The following DOK7 variants were observed in gnomAD, a reference collection of about 807,000 sequenced individuals.
DOK7 encodes the protein docking protein 7.
Under a neutral mutation model 30.7 loss-of-function variants are expected in DOK7, and 32 were observed. That is an observed-to-expected ratio of 1.04 (90% CI 0.79 to 1.40). The LOEUF is 1.40. Ranked by LOEUF, DOK7 falls within the 40% of genes most tolerant of loss-of-function variation. The pLI, the probability that DOK7 is intolerant of heterozygous loss-of-function variation, is 0.00. For missense variants in DOK7, 1,007 were observed against 699.2 expected (o/e 1.44, Z -4.97); for synonymous variants, 447 against 324.1 (o/e 1.38, Z -4.07).
At chr4:3,481,929 G>A (rs569113713) in intron 4 of DOK7, among the ~76,000 whole-genome samples, 2 of 152,210 alleles carry the variant, frequency 1.3e-5, no homozygotes, top group African/African-American at 2.4e-5. Context: ...CGTGGGTGAG[G>A]TTTGCCTGCC....
At chr4:3,470,666 C>T (rs1171065661) in intron 2 of DOK7, among the ~76,000 whole-genome samples, 1 of 152,232 alleles carries the variant, frequency 6.6e-6, no homozygotes, top group South Asian at 2.1e-4. Flanking sequence ...GGGCCAAATC[C>T]TGCCGGAACC....
chr4:3,479,582 C>T (rs1295406538), intron 4 of DOK7, among the ~76,000 whole-genome samples: 1 of 152,232 alleles, frequency 6.6e-6, no homozygotes, highest in Non-Finnish European at 1.5e-5. Flanking sequence ...CCCCGATCCC[C>T]AGAACCGCCT....
intron 2 of DOK7, among the ~76,000 whole-genome samples, chr4:3,464,489 G>A (rs747018318): frequency 2.0e-5 from 3 of 152,224 alleles, no homozygotes; most frequent in Non-Finnish European, 4.4e-5. Context: ...TGGGGGCACC[G>A]ACAGAGCCTG....
rs12512759 is a variant in DOK7, at chr4:3,490,026, A to C, written c.772+230A>C. On this transcript the variant is annotated intron_variant, in intron 6 of 6. Transcript: ENST00000340083. ...TCCTTCCTTCTCCTCCTGCTCATTCATTCCTTCCTTCTTCCTCCTACTCAT... is the reference window on the plus strand; with the variant it reads ...TCCTTCCTTCTCCTCCTGCTCATTCCTTCCTTCCTTCTTCCTCCTACTCAT... 6.7e-5 allele frequency among the ~76,000 whole-genome samples: 7 copies of C among 104,858 alleles called. No individual in the cohort carries two copies. The East Asian group carries it at 1.3e-3, about 20-fold the overall frequency. 68.8% of individuals were successfully genotyped at this position (104,858 alleles called of 152,430 possible).
chr4:3,495,771 C>T (rs1463282026), downstream of DOK7, among the ~76,000 whole-genome samples: 1 of 151,590 alleles, frequency 6.6e-6, no homozygotes, highest in Non-Finnish European at 1.5e-5. Flanking sequence ...GGCTCTGCAC[C>T]ATCCACACCT....
Position 3,500,766 on chromosome 4 carries a change from G to C in DOK7, c.1336G>C (p.Ala446Pro), listed in dbSNP as rs911727518. The change falls in exon 8 of 8, where the codon GCA (alanine) becomes CCA (proline). Residue 446 changes from alanine (A) to proline (P), a missense_variant. By Grantham distance (27) the Ala-to-Pro change is conservative (BLOSUM62 -1). Coordinates refer to the DOK7 transcript ENST00000643608. The stretch of plus-strand genomic sequence containing the variant: ...GGCGCACAGAGTGGGGGTGCGGCAC[G>C]CACGGGCCCGGGAGGAGCAGCTGTC... 4 of 1,534,712 alleles carry C rather than the reference G, an allele frequency of 2.6e-6. No homozygotes were observed. In the South Asian group the frequency reaches 3.6e-5, roughly 14 times the overall value.
chr4:3,470,249 G>A (rs34205261), intron 2 of DOK7, among the ~76,000 whole-genome samples: 19,217 of 152,246 alleles, frequency 0.13, 1,329 homozygotes, highest in Middle Eastern at 0.18. Flanking sequence ...CCCTTACAAG[G>A]ACACTTGCTG....
chr4:3,463,491 C>G lies in DOK7; in HGVS notation c.55-15C>G. 3 of 1,510,454 alleles carry G rather than the reference C, an allele frequency of 2.0e-6. No individual in the cohort carries two copies. Among genetic ancestry groups the G allele is most frequent in the Non-Finnish European group, 2.6e-6 (3 of 1,134,372 alleles). 93.6% of individuals were successfully genotyped at this position (1,510,454 alleles called of 1,614,324 possible). ...GGGCGCGGGCGGCGGCTCACGCTCC[C>G]CCCTGTCCCCGCAGTGGAAGAGTAG... On this transcript the variant is annotated splice_polypyrimidine_tract_variant and intron_variant, in intron 1 of 6. Coordinates refer to ENST00000340083, the MANE Select transcript of DOK7 (RefSeq NM_173660.5).
intron 5 of DOK7, among the ~76,000 whole-genome samples, chr4:3,488,105 G>C (rs1051528513): frequency 6.6e-6 from 1 of 152,388 alleles, no homozygotes; most frequent in East Asian, 1.9e-4. Context: ...CACAGGCAGG[G>C]AGGGGACAGG....
rs908941512 is a variant in DOK7 at position 3,494,116 on chromosome 4, T to C, written c.*615T>C. On this transcript the variant is annotated 3_prime_UTR_variant, in exon 7 of 7. Transcript: ENST00000340083. ...CCCCACTGTTCCCCAGTGAAGCCCT[T>C]GTGGGAAGGTTCCGGGAGCAGGTGG... 8 of 985,686 alleles carry C rather than the reference T, an allele frequency of 8.1e-6. No homozygotes were observed. The highest frequency in any genetic ancestry group is 9.6e-6 in the Non-Finnish European group (8 of 830,228). 61.1% of individuals were successfully genotyped at this position (985,686 alleles called of 1,614,324 possible).
At chr4:3,463,906 G>T (rs1726121960) in intron 2 of DOK7, among the ~76,000 whole-genome samples, 1 of 152,176 alleles carries the variant, frequency 6.6e-6, no homozygotes, top group African/African-American at 2.4e-5. Flanking sequence ...TCAGAGCAGG[G>T]CCCCCGAACC....
rs150118124 is a variant in DOK7, at chr4:3,476,675, A to T, written c.532+133A>T. ...ATTTCCAGAATGCGCCGGCAGGTGG[A>T]CGGAGTCTCCCCACGCTCGATGTCC... On this transcript the variant is annotated intron_variant, in intron 4 of 6. Coordinates refer to ENST00000340083, the MANE Select transcript of DOK7 (RefSeq NM_173660.5). The T allele has an allele frequency of 6.4e-3, 7,589 of 1,179,350 alleles. 35 individuals carry two copies. Among genetic ancestry groups the T allele is most frequent in the Non-Finnish European group, 8.4e-3 (6,832 of 814,198 alleles). 73.1% of individuals were successfully genotyped at this position (1,179,350 alleles called of 1,614,324 possible).
chr4:3,479,993 G>A (rs189518310), intron 4 of DOK7, among the ~76,000 whole-genome samples: 22 of 152,360 alleles, frequency 1.4e-4, no homozygotes, highest in Admixed American at 3.9e-4. Flanking sequence ...ACTGGGCCCC[G>A]CCTTCGGGGA....
In DOK7 at chr4:3,493,714, G is replaced by A; in HGVS notation, c.*213G>A. 7.0e-7 allele frequency: 1 copy of A among 1,432,982 alleles called. No individual in the cohort carries two copies. The highest frequency in any genetic ancestry group is 1.5e-5 in the South Asian group (1 of 66,396). 88.8% of individuals were successfully genotyped at this position (1,432,982 alleles called of 1,614,324 possible). A position where few individuals can be genotyped will look rare whatever the true frequency, so the allele number is the denominator to read the frequency against. The stretch of plus-strand genomic sequence containing the variant: ...GTGAGTTCTGGAAGGCAGGGGCTCT[G>A]GGTCCGGCAGGTCGGGGTCACCAGA... On this transcript the variant is annotated 3_prime_UTR_variant, in exon 7 of 7. Transcript: ENST00000340083.
intron 4 of DOK7, among the ~76,000 whole-genome samples, chr4:3,480,282 A>G (rs1727364220): frequency 6.6e-6 from 1 of 152,134 alleles, no homozygotes; most frequent in South Asian, 2.1e-4. Flanking sequence ...GGCCGCCCGG[A>G]GCATTTGAAA....
chr4:3,490,381 CCCCCT>C (rs1409083270), intron 6 of DOK7, among the ~76,000 whole-genome samples: 3 of 101,640 alleles, frequency 3.0e-5, no homozygotes, highest in Non-Finnish European at 5.9e-5. Context: ...CTTCCCCCCA[CCCCCT>C]GCTCATTCAG....
chr4:3,463,894 G>A (rs565989528), intron 2 of DOK7, among the ~76,000 whole-genome samples: 5 of 152,308 alleles, frequency 3.3e-5, no homozygotes, highest in African/African-American at 1.2e-4. Flanking sequence ...TTGTGGAAAC[G>A]CTCAGAGCAG....
At chr4:3,476,978 C>T (rs1029412505) in intron 4 of DOK7, among the ~76,000 whole-genome samples, 5 of 152,364 alleles carry the variant, frequency 3.3e-5, no homozygotes, top group East Asian at 3.9e-4. Context: ...GCCTGTGGGC[C>T]GCCCAGAGCT....
intron 5 of DOK7, among the ~76,000 whole-genome samples, chr4:3,486,267 T>G (rs982413415): frequency 2.0e-5 from 3 of 152,308 alleles, no homozygotes; most frequent in African/African-American, 7.2e-5. Flanking sequence ...GGGGCTCTGG[T>G]GCCTGGGCAC....
Sources: gnomAD v4.1 joint callset for allele counts (sites outside exome capture counted in the v4.1 genomes callset) on GRCh38, gnomAD v4.1.1 for gene constraint, MANE v1.5 for transcripts, NCBI Gene and HGNC (gene_info 2026-07-23, HGNC 2026-07-21) for gene names.